CYP8B1: variants seen among roughly 807,000 people sequenced by gnomAD.
CYP8B1 encodes the protein cytochrome P450 family 8 subfamily B member 1, also known as 7-alpha-hydroxycholest-4-en-3-one 12-alpha-hydroxylase.
For missense variants in CYP8B1, 594 were observed against 643.7 expected (o/e 0.92, Z 0.84); for synonymous variants, 221 against 251.2 (o/e 0.88, Z 1.14).
rs1379617568 is a variant in CYP8B1, at chr3:42,875,464, C to G, written c.353G>C (p.Gly118Ala). The change falls in exon 1 of 1, where the codon GGG becomes GCG. Residue 118 changes from glycine (G) to alanine (A), a missense_variant. Coordinates refer to ENST00000316161, the MANE Select transcript of CYP8B1 (RefSeq NM_004391.3). ...GGCTGAGTGTATCATCTCATGGTCC[C>G]CTTGCACTGAACGGTATCCAAATAC... ...LKVFGYRSVQ[G>A]DHEMIHSAST... is the part of the protein sequence containing the mutation. 6 of 1,596,342 alleles carry G rather than the reference C, an allele frequency of 3.8e-6. 1 individual carries two copies. In the Admixed American group the frequency reaches 8.7e-5, roughly 23 times the overall value.
Position 42,874,486 on chromosome 3 carries a change from A to T in CYP8B1, c.1331T>A (p.Phe444Tyr). The change falls in exon 1 of 1, where the codon TTC (phenylalanine) becomes TAC (tyrosine). Residue 444 changes from phenylalanine (F) to tyrosine (Y), a missense_variant. Coordinates refer to ENST00000316161, the MANE Select transcript of CYP8B1 (RefSeq NM_004391.3). ...GAGCTTCACCTCACTGAGTGCAAAG[A>T]ACCTCCCAGGGCAGATGGAAACGCC... is the stretch of plus-strand genomic sequence containing the variant. ...GSGVSICPGRFFALSEVKLFI... is the reference protein window; with the variant it reads ...GSGVSICPGRYFALSEVKLFI... The T allele has an allele frequency of 6.2e-7, 1 of 1,614,096 alleles. No homozygotes were observed.
chr3:42,874,042 T>C lies in CYP8B1; in HGVS notation c.*269A>G, dbSNP rs1260786832. On this transcript the variant is annotated 3_prime_UTR_variant, in exon 1 of 1. Transcript: ENST00000316161. ...GGCAGGCATCATCTCCCAAACCAAG[T>C]TGCCCACAGATACTCCCCCTTCCTC... 1 of 473,002 alleles carries C rather than the reference T, an allele frequency of 2.1e-6. No individual in the cohort carries two copies. The allele number at this position is 473,002 out of a possible 1,614,324, so 29.3% of individuals were successfully genotyped here.
Position 42,875,854 on chromosome 3 carries a change from C to T in CYP8B1, c.-38G>A. 3 of 1,329,592 alleles carry T rather than the reference C, an allele frequency of 2.3e-6. No individual in the cohort carries two copies. Among genetic ancestry groups the T allele is most frequent in the Non-Finnish European group, 2.9e-6 (3 of 1,031,922 alleles). The allele number at this position is 1,329,592 out of a possible 1,614,324, so 82.4% of individuals were successfully genotyped here. A position where few individuals can be genotyped will look rare whatever the true frequency, so the allele number is the denominator to read the frequency against. On this transcript the variant is annotated 5_prime_UTR_variant, in exon 1 of 1. The change creates a new upstream start codon in the 5' untranslated region. Transcript: ENST00000316161. ...GCGGATTAAGCTCTCGACACGCACA[C>T]TGTTCCCTGGGTGCCAGAGAGCTTT... is the stretch of plus-strand genomic sequence containing the variant.
chr3:42,875,354 T>C lies in CYP8B1; in HGVS notation c.463A>G (p.Lys155Glu). ...CAACTGGCATCCAGACTCCAGCCTT[T>C]GGACGTCAGCATTACAAAGGACAGG... ...DSLSFVMLTSKGWSLDASCWH... is the reference protein window; with the variant it reads ...DSLSFVMLTSEGWSLDASCWH... Residue 155 changes from lysine to glutamate, a missense_variant, in exon 1 of 1, where the codon AAA becomes GAA. Lys to Glu is a moderately conservative substitution (Grantham distance 56). Transcript: ENST00000316161. 1 of 1,614,128 alleles carries C rather than the reference T, an allele frequency of 6.2e-7. No homozygotes were observed. The highest frequency in any genetic ancestry group is 1.1e-5 in the South Asian group (1 of 91,082).
chr3:42,873,273 C>G lies in CYP8B1; in HGVS notation c.*1038G>C, dbSNP rs555182516. 1.3e-5 allele frequency: 2 copies of G among 151,740 alleles called. No homozygotes were observed. Among genetic ancestry groups the G allele is most frequent in the Non-Finnish European group, 2.9e-5 (2 of 68,010 alleles). The allele number at this position is 151,740 out of a possible 1,614,324, so 9.4% of individuals were successfully genotyped here. A position where few individuals can be genotyped will look rare whatever the true frequency, so the allele number is the denominator to read the frequency against. ...CTGAGGCAGGAGAATTACTTGAACC[C>G]GGGAGGCAGAGGTTGTAGTGAGCCA... is the stretch of plus-strand genomic sequence containing the variant. On this transcript the variant is annotated 3_prime_UTR_variant, in exon 1 of 1. Coordinates refer to ENST00000316161, the MANE Select transcript of CYP8B1 (RefSeq NM_004391.3).
rs1196875179 is a variant in CYP8B1 at position 42,873,141 on chromosome 3, GGGAGGCC to G, written c.*1163_*1169del. Reference sequence around the variant, plus strand: ...CTCATGCCTGTAATCCCAGAACTTTGGGAGGCCGAGGAGGCCGGCCAAAATGGTGAAA... The same window carrying G: ...CTCATGCCTGTAATCCCAGAACTTTGGAGGAGGCCGGCCAAAATGGTGAAA... On this transcript the variant is annotated 3_prime_UTR_variant, in exon 1 of 1. Coordinates refer to ENST00000316161, the MANE Select transcript of CYP8B1 (RefSeq NM_004391.3). The G allele has an allele frequency of 3.3e-5, 5 of 152,198 alleles. No individual in the cohort carries two copies. Among genetic ancestry groups the G allele is most frequent in the African/African-American group, 4.8e-5 (2 of 41,414 alleles). The allele number at this position is 152,198 out of a possible 1,614,324, so 9.4% of individuals were successfully genotyped here. A position where few individuals can be genotyped will look rare whatever the true frequency, so the allele number is the denominator to read the frequency against.
rs576104161 is a variant in CYP8B1 at position 42,872,214 on chromosome 3, C to T, written c.*2097G>A. 5 of 152,344 alleles carry T rather than the reference C, an allele frequency of 3.3e-5. No individual in the cohort carries two copies. The highest frequency in any genetic ancestry group is 2.0e-4 in the Admixed American group (3 of 15,298). The allele number at this position is 152,344 out of a possible 1,614,324, so 9.4% of individuals were successfully genotyped here. On this transcript the variant is annotated 3_prime_UTR_variant, in exon 1 of 1. Coordinates refer to ENST00000316161, the MANE Select transcript of CYP8B1 (RefSeq NM_004391.3). ...AAGTCAGGTTTCTAACATTTAATCT[C>T]CACTTAGGGAATTGGAGGTCAGAAA... is the stretch of plus-strand genomic sequence containing the variant.
chr3:42,874,582 T>A lies in CYP8B1; in HGVS notation c.1235A>T (p.Asn412Ile), dbSNP rs1381475126. 1 of 1,613,980 alleles carries A rather than the reference T, an allele frequency of 6.2e-7. No individual in the cohort carries two copies. The highest frequency in any genetic ancestry group is 8.5e-7 in the Non-Finnish European group (1 of 1,179,984). Reference sequence around the variant, plus strand: ...GAAGAAGTCCACTTTCCGGCTGCCATTAGGGTTGAGGAAGCGATCGTACTT... The same window carrying A: ...GAAGAAGTCCACTTTCCGGCTGCCAATAGGGTTGAGGAAGCGATCGTACTT... ...VFKYDRFLNP[N>I]GSRKVDFFKT... The change falls in exon 1 of 1, where the codon AAT becomes ATT. Residue 412 changes from asparagine to isoleucine, a missense_variant. Physicochemically the swap from Asn to Ile is moderately radical, Grantham distance 149. Coordinates refer to ENST00000316161, the MANE Select transcript of CYP8B1 (RefSeq NM_004391.3).
Position 42,874,455 on chromosome 3 carries a change from G to A in CYP8B1, c.1362C>T (p.Ile454=), listed in dbSNP as rs775777382. 3 of 1,614,146 alleles carry A rather than the reference G, an allele frequency of 1.9e-6. No homozygotes were observed. The highest frequency in any genetic ancestry group is 2.5e-6 in the Non-Finnish European group (3 of 1,180,034). ...AGTCAAAGTGTGTGACCATAAGCAG[G>A]ATAAAGAGCTTCACCTCACTGAGTG... ...FFALSEVKLF[I]LLMVTHFDLE... Residue 454 remains isoleucine, a synonymous_variant, in exon 1 of 1, where the codon ATC becomes ATT. Transcript: ENST00000316161.
At position 42,875,012 on chromosome 3, in the gene CYP8B1, A is replaced by T. The variant is rs201609553; in HGVS notation, c.805T>A (p.Ser269Thr). Residue 269 changes from serine to threonine, a missense_variant, in exon 1 of 1, where the codon TCA becomes ACA. By Grantham distance (58) the Ser-to-Thr change is moderately conservative (BLOSUM62 1). Transcript: ENST00000316161. The part of the protein sequence containing the change: ...LQFLREQGVP[S>T]AMQDKFNFMM... ...AAGTTGAACTTGTCCTGCATAGCTG[A>T]GGGTACCCCCTGCTCCCTCAGAAAC... The T allele has an allele frequency of 3.7e-6, 6 of 1,613,840 alleles. No homozygotes were observed. The East Asian group carries it at 1.3e-4, about 36-fold the overall frequency.
chr3:42,875,513 A>G lies in CYP8B1; in HGVS notation c.304T>C (p.Tyr102His), dbSNP rs1173387215. ...DTQRKLDFGQ[Y>H]AKKLVLKVFG... is the part of the protein sequence containing the mutation. ...ACCTTCAGCACCAGTTTTTTTGCAT[A>G]TTGCCCAAAGTCTAGTTTTCTCTGT... Residue 102 changes from tyrosine (Y) to histidine (H), a missense_variant, in exon 1 of 1, where the codon TAT (tyrosine) becomes CAT (histidine). Physicochemically the swap from Tyr to His is moderately conservative, Grantham distance 83. Transcript: ENST00000316161. 3 of 1,544,108 alleles carry G rather than the reference A, an allele frequency of 1.9e-6. No individual in the cohort carries two copies. Among genetic ancestry groups the G allele is most frequent in the Non-Finnish European group, 2.6e-6 (3 of 1,143,528 alleles).
At position 42,872,628 on chromosome 3, in the gene CYP8B1, G is replaced by A. The variant is rs1390816680; in HGVS notation, c.*1683C>T. ...TCAAAGGGGAACCAGGAAAGTAAAA[G>A]AGTGACAATCAGCAGTGCTTTTGGC... On this transcript the variant is annotated 3_prime_UTR_variant, in exon 1 of 1. Coordinates refer to ENST00000316161, the MANE Select transcript of CYP8B1 (RefSeq NM_004391.3). 1 of 152,314 alleles carries A rather than the reference G, an allele frequency of 6.6e-6. No homozygotes were observed. Among genetic ancestry groups the A allele is most frequent in the African/African-American group, 2.4e-5 (1 of 41,462 alleles). The allele number at this position is 152,314 out of a possible 1,614,324, so 9.4% of individuals were successfully genotyped here.
In CYP8B1 at chr3:42,873,181, T is replaced by C. The variant is rs1390153542; in HGVS notation, c.*1130A>G. Reference sequence around the variant, plus strand: ...CCGGCCAAAATGGTGAAACGCCGTCTCTACTAAAAATACAGAAACTAGCCG... The same window carrying C: ...CCGGCCAAAATGGTGAAACGCCGTCCCTACTAAAAATACAGAAACTAGCCG... On this transcript the variant is annotated 3_prime_UTR_variant, in exon 1 of 1. Transcript: ENST00000316161. 6.6e-6 allele frequency: 1 copy of C among 152,106 alleles called. No homozygotes were observed. Among genetic ancestry groups the C allele is most frequent in the Admixed American group, 6.5e-5 (1 of 15,272 alleles). 9.4% of individuals were successfully genotyped at this position (152,106 alleles called of 1,614,324 possible). A position where few individuals can be genotyped will look rare whatever the true frequency, so the allele number is the denominator to read the frequency against.
rs1363559579 is a variant in CYP8B1, at chr3:42,874,279, T to G, written c.*32A>C. ...CAGGTGAGAGATGCAATAGAACTCC[T>G]CTGGCCAGGTTTGCAGCTGGCTTGG... On this transcript the variant is annotated 3_prime_UTR_variant, in exon 1 of 1. Transcript: ENST00000316161. The G allele has an allele frequency of 6.3e-7, 1 of 1,599,328 alleles. No homozygotes were observed. Among genetic ancestry groups the G allele is most frequent in the Non-Finnish European group, 8.5e-7 (1 of 1,172,174 alleles).
chr3:42,874,995 C>T lies in CYP8B1; in HGVS notation c.822G>A (p.Lys274=), dbSNP rs775650251. ...EQGVPSAMQD[K]FNFMMLWASQ... is the part of the protein sequence containing the mutation. ...AGGCCCAGAGCATCATGAAGTTGAA[C>T]TTGTCCTGCATAGCTGAGGGTACCC... The change falls in exon 1 of 1, where the codon AAG becomes AAA. Residue 274 remains lysine (K), a synonymous_variant. Transcript: ENST00000316161. 4.3e-6 allele frequency: 7 copies of T among 1,613,864 alleles called. No homozygotes were observed. The Admixed American group carries it at 1.2e-4, about 27-fold the overall frequency.
In CYP8B1 at chr3:42,874,523, G is replaced by A. The variant is rs148221181; in HGVS notation, c.1294C>T (p.Pro432Ser). ...CAGATGGAAACGCCCGAACCCCAGG[G>A]CATGGTGTAGTGGTGGATCTTCTTG... is the stretch of plus-strand genomic sequence containing the variant. ...TGKKIHHYTMPWGSGVSICPG... is the reference protein window; with the variant it reads ...TGKKIHHYTMSWGSGVSICPG... Residue 432 changes from proline to serine, a missense_variant, in exon 1 of 1, where the codon CCC (proline) becomes TCC (serine). Coordinates refer to ENST00000316161, the MANE Select transcript of CYP8B1 (RefSeq NM_004391.3). The A allele has an allele frequency of 1.4e-5, 23 of 1,614,030 alleles. No homozygotes were observed. Among genetic ancestry groups the A allele is most frequent in the Non-Finnish European group, 1.7e-5 (20 of 1,180,020 alleles).
rs1193364960 is a variant in CYP8B1, at chr3:42,874,516, C to T, written c.1301G>A (p.Gly434Asp). The change falls in exon 1 of 1, where the codon GGT (glycine) becomes GAT (aspartate). Residue 434 changes from glycine (G) to aspartate (D), a missense_variant. Coordinates refer to ENST00000316161, the MANE Select transcript of CYP8B1 (RefSeq NM_004391.3). ...KKIHHYTMPW[G>D]SGVSICPGRF... ...CCCAGGGCAGATGGAAACGCCCGAA[C>T]CCCAGGGCATGGTGTAGTGGTGGAT... The T allele has an allele frequency of 2.5e-6, 4 of 1,614,130 alleles. No homozygotes were observed. The highest frequency in any genetic ancestry group is 3.4e-6 in the Non-Finnish European group (4 of 1,180,014).
Position 42,875,116 on chromosome 3 carries a change from C to T in CYP8B1, c.701G>A (p.Arg234His), listed in dbSNP as rs199955644. 38 of 1,613,160 alleles carry T rather than the reference C, an allele frequency of 2.4e-5. No individual in the cohort carries two copies. Among genetic ancestry groups the T allele is most frequent in the Middle Eastern group, 3.3e-4 (2 of 6,082 alleles). Residue 234 changes from arginine (R) to histidine (H), a missense_variant, in exon 1 of 1, where the codon CGT becomes CAT. Coordinates refer to ENST00000316161, the MANE Select transcript of CYP8B1 (RefSeq NM_004391.3). ...CACGGAGAGCATCTTGTGAAAGAGA[C>T]GCTGGAGTCGGCCCACTTCTAGCCA... ...REWLEVGRLQ[R>H]LFHKMLSVSH...
rs151059871 is a variant in CYP8B1 at position 42,874,443 on chromosome 3, G to A, written c.1374C>T (p.Val458=). ...CCACCAACTCTAAGTCAAAGTGTGTGACCATAAGCAGGATAAAGAGCTTCA... is the reference window on the plus strand; with the variant it reads ...CCACCAACTCTAAGTCAAAGTGTGTAACCATAAGCAGGATAAAGAGCTTCA... ...SEVKLFILLM[V]THFDLELVDP... is the part of the protein sequence containing the mutation. Residue 458 remains valine, a synonymous_variant, in exon 1 of 1, where the codon GTC becomes GTT. Transcript: ENST00000316161. 6.2e-7 allele frequency: 1 copy of A among 1,613,994 alleles called. No homozygotes were observed. The highest frequency in any genetic ancestry group is 1.3e-5 in the African/African-American group (1 of 74,870).
Sources: allele counts gnomAD v4.1 joint callset, GRCh38; gene constraint gnomAD v4.1.1; transcripts MANE v1.5; gene names NCBI Gene and HGNC (gene_info 2026-07-23, HGNC 2026-07-21).